The following DNAJB4 variants were observed in gnomAD, a reference collection of about 807,000 sequenced individuals.
DNAJB4 encodes the protein DnaJ heat shock protein family (Hsp40) member B4.
DNAJB4 carries 10 observed loss-of-function variants against 26.6 expected under a neutral mutation model. The observed-to-expected ratio is 0.38, with a 90% CI of 0.23 to 0.64. The LOEUF (loss-of-function observed/expected upper bound fraction) is 0.64, where lower values mean the gene tolerates loss of function less well. Among genes scored for constraint, DNAJB4 ranks in the 30% least tolerant of loss-of-function variants. DNAJB4 has a pLI of 0.58. For missense variants in DNAJB4, 328 were observed against 408.2 expected (o/e 0.80, Z 1.69); for synonymous variants, 136 against 134.8 (o/e 1.01, Z -0.06).
At chr1:77,979,963 T>A (rs1238589165), upstream of DNAJB4, among the ~76,000 whole-genome samples, 2 of 151,890 alleles carry the variant, frequency 1.3e-5, no homozygotes, top group African/African-American at 4.8e-5. Flanking sequence ...GCTCACTGCA[T>A]CCTCCGCCTC....
chr1:78,002,400 A>G (rs1310825451), upstream of DNAJB4, among the ~76,000 whole-genome samples: 2 of 152,210 alleles, frequency 1.3e-5, no homozygotes, highest in African/African-American at 4.8e-5. Flanking sequence ...AAGACATCTC[A>G]GTCTGAAAAG....
chr1:77,988,649 C>T (rs939424542), intron 1 of DNAJB4, among the ~76,000 whole-genome samples: 2 of 152,208 alleles, frequency 1.3e-5, no homozygotes, highest in Admixed American at 1.3e-4. Flanking sequence ...TCCTCCTTTC[C>T]TTTCAGATTG....
chr1:78,015,894 T>C, intron 2 of DNAJB4, 120 bp from the exon 3 acceptor site: 3 of 876,388 alleles, frequency 3.4e-6, no homozygotes, highest in Non-Finnish European at 5.1e-6. Flanking sequence ...TAACTATTGT[T>C]ATTCTTTTGG....
intron 1 of DNAJB4, among the ~76,000 whole-genome samples, chr1:77,994,147 A>G (rs1204519955): frequency 1.3e-5 from 2 of 152,174 alleles, no homozygotes; most frequent in Non-Finnish European, 2.9e-5. Flanking sequence ...CACACCTGTA[A>G]TCCTAGCACT....
At chr1:77,979,322 T>C (rs1231985111), upstream of DNAJB4, 1 of 327,054 alleles carries the variant, frequency 3.1e-6, no homozygotes, top group African/African-American at 2.1e-5. Flanking sequence ...TCCTGCAGGG[T>C]GGTGGGTGAT....
chr1:77,988,705 C>G (rs1274109541), intron 1 of DNAJB4, among the ~76,000 whole-genome samples: 1 of 152,128 alleles, frequency 6.6e-6, no homozygotes, highest in African/African-American at 2.4e-5. Flanking sequence ...GCTACCCTAT[C>G]TAAATTTTGA....
intron 1 of DNAJB4, among the ~76,000 whole-genome samples, chr1:77,997,660 C>G (rs1660094717): frequency 6.6e-6 from 1 of 152,132 alleles, no homozygotes; most frequent in Non-Finnish European, 1.5e-5. Flanking sequence ...GTTCCTGATC[C>G]AAATTGCAAA....
At chr1:77,997,558 C>A (rs1660092970) in intron 1 of DNAJB4, among the ~76,000 whole-genome samples, 1 of 152,002 alleles carries the variant, frequency 6.6e-6, no homozygotes, top group South Asian at 2.1e-4. Flanking sequence ...GCCAGCTTCC[C>A]AGGGCAAGCC....
rs181007734 is a variant in DNAJB4, at chr1:77,997,523, A to G, written c.-31-7557A>G. On this transcript the variant is annotated intron_variant, in intron 1 of 2. Coordinates refer to the DNAJB4 transcript ENST00000426517. Reference sequence around the variant, plus strand: ...CCTGTCTCCATAAAAAAAACTTCGAACAATCTGACCGTAACTTATTTTCTG... The same window carrying G: ...CCTGTCTCCATAAAAAAAACTTCGAGCAATCTGACCGTAACTTATTTTCTG... Among the ~76,000 whole-genome samples the G allele has an allele frequency of 3.3e-3, 503 of 152,044 alleles. 2 individuals carry two copies. Among genetic ancestry groups the G allele is most frequent in the Non-Finnish European group, 5.6e-3 (378 of 67,982 alleles).
intron 1 of DNAJB4, among the ~76,000 whole-genome samples, chr1:78,011,973 T>C (rs1660490896): frequency 6.7e-6 from 1 of 148,638 alleles, no homozygotes. Context: ...TATATATTGT[T>C]TGATTGTAAT....
At chr1:77,987,985 A>G (rs1027851636) in intron 1 of DNAJB4, among the ~76,000 whole-genome samples, 2 of 148,734 alleles carry the variant, frequency 1.3e-5, no homozygotes, top group Non-Finnish European at 3.0e-5. Context: ...TTATATATAT[A>G]CATAATATAT....
chr1:78,016,606 A>G lies in DNAJB4; in HGVS notation c.*359A>G. 1 of 180,038 alleles carries G rather than the reference A, an allele frequency of 5.6e-6. No individual in the cohort carries two copies. The highest frequency in any genetic ancestry group is 1.5e-4 in the South Asian group (1 of 6,804). The allele number at this position is 180,038 out of a possible 1,614,324, so 11.2% of individuals were successfully genotyped here. A position where few individuals can be genotyped will look rare whatever the true frequency, so the allele number is the denominator to read the frequency against. On this transcript the variant is annotated 3_prime_UTR_variant, in exon 3 of 3. Coordinates refer to ENST00000370763, the MANE Select transcript of DNAJB4 (RefSeq NM_007034.5). ...TAGATAATCAGTATGAAAAGTTCCC[A>G]TTTATAATGGAAATGAAAATTCTTA...
At chr1:77,994,410 AAG>A (rs1660012135) in intron 1 of DNAJB4, among the ~76,000 whole-genome samples, 2 of 151,914 alleles carry the variant, frequency 1.3e-5, no homozygotes, top group African/African-American at 4.8e-5. Flanking sequence ...AAAAAAAAAA[AAG>A]AAAAAAATTA....
At chr1:77,997,193 C>G (rs1344326658) in intron 1 of DNAJB4, among the ~76,000 whole-genome samples, 2 of 151,498 alleles carry the variant, frequency 1.3e-5, no homozygotes, top group Admixed American at 6.6e-5. Flanking sequence ...ACATTAAAAA[C>G]TTTCAGCTGG....
chr1:78,011,718 A>C (rs1660479831), intron 1 of DNAJB4, among the ~76,000 whole-genome samples: 1 of 151,934 alleles, frequency 6.6e-6, no homozygotes, highest in Admixed American at 6.6e-5. Flanking sequence ...TCCTGATCTC[A>C]AGTGATCCAC....
At chr1:78,005,430 T>G in intron 1 of DNAJB4, 109 bp downstream of exon 1, 1 of 907,872 alleles carries the variant, frequency 1.1e-6, no homozygotes, top group Non-Finnish European at 1.6e-6. Context: ...AAGGTTATCC[T>G]TAAATTGGAT....
chr1:77,981,279 C>G (rs561895589), intron 1 of DNAJB4: 1 of 151,744 alleles, frequency 6.6e-6, no homozygotes, highest in African/African-American at 2.4e-5. Flanking sequence ...CCCACCTCAG[C>G]CTCTGGAGTA....
At position 78,016,191 on chromosome 1, in the gene DNAJB4, G is replaced by A; in HGVS notation, c.958G>A (p.Asp320Asn). 6.2e-7 allele frequency: 1 copy of A among 1,614,082 alleles called. No individual in the cohort carries two copies. Among genetic ancestry groups the A allele is most frequent in the South Asian group, 1.1e-5 (1 of 91,080 alleles). Residue 320 changes from aspartate (D) to asparagine (N), a missense_variant, in exon 3 of 3, where the codon GAT becomes AAT. Transcript: ENST00000370763. ...AATAGAATTTGAGGTGTCCTTCCCA[G>A]ATACTATATCTTCTTCATCCAAAGA... is the stretch of plus-strand genomic sequence containing the variant. ...LLIEFEVSFP[D>N]TISSSSKEVL...
At position 77,986,454 on chromosome 1, in the gene DNAJB4, T is replaced by G. The variant is rs182444396; in HGVS notation, c.-32+6132T>G. Among the ~76,000 whole-genome samples, 31 of 152,320 alleles carry G rather than the reference T, an allele frequency of 2.0e-4. No individual in the cohort carries two copies. The East Asian group carries it at 5.6e-3, about 28-fold the overall frequency. On this transcript the variant is annotated intron_variant, in intron 1 of 2. Coordinates refer to the DNAJB4 transcript ENST00000426517. ...TAATGTACTTCTTCCGTTCCTCTAG[T>G]CTCTTGACACTTCTCTTTTCTTTCC...
Sources: gnomAD v4.1 joint callset for allele counts (sites outside exome capture counted in the v4.1 genomes callset) on GRCh38, gnomAD v4.1.1 for gene constraint, MANE v1.5 for transcripts, NCBI Gene and HGNC (gene_info 2026-07-23, HGNC 2026-07-21) for gene names.